Variants in DHX15 observed in about 807,000 individuals in gnomAD.
DHX15 encodes the protein DEAH-box helicase 15, also known as ATP-dependent RNA helicase DHX15.
Under a neutral mutation model 94.4 loss-of-function variants are expected in DHX15, and 11 were observed. The ratio of observed to expected loss-of-function variants is 0.12; its 90% CI spans 0.07 to 0.19. The LOEUF is 0.19. DHX15 is among the 10% of genes least tolerant of loss of function. The probability of loss-of-function intolerance (pLI) is 1.00; values close to 1 mark genes in which losing one functional copy is unlikely to be tolerated. For synonymous variants in DHX15, 338 were observed against 329.9 expected (o/e 1.02, Z -0.27); for missense variants, 304 against 988.5 (o/e 0.31, Z 9.29).
At chr4:24,574,143 T>C (rs1234470185) in intron 2 of DHX15, among the ~76,000 whole-genome samples, 2 of 136,970 alleles carry the variant, frequency 1.5e-5, no homozygotes, top group South Asian at 2.3e-4. Flanking sequence ...GAGGAGGAGG[T>C]TGCAGAAAGC....
intron 3 of DHX15, among the ~76,000 whole-genome samples, chr4:24,557,641 A>G (rs749065707): frequency 6.6e-6 from 1 of 152,200 alleles, no homozygotes; most frequent in East Asian, 1.9e-4. Context: ...ATTTTTAAAA[A>G]TAAACTACCA....
rs752876212 is a variant in DHX15, at chr4:24,540,280, T to C, written c.1614A>G (p.Arg538=). 1.7e-5 allele frequency: 27 copies of C among 1,611,906 alleles called. No individual in the cohort carries two copies. The highest frequency in any genetic ancestry group is 2.3e-5 in the Non-Finnish European group (27 of 1,178,948). The change falls in exon 10 of 14, where the codon AGA becomes AGG. Residue 538 remains arginine (R), a synonymous_variant. Transcript: ENST00000336812. ...CCAGGTAATTCAAAAGTTCCAGGGC[T>C]CTCATCAGAGTTTCAGGAGCTAGTG... ...MDPPAPETLM[R]ALELLNYLAA... is the part of the protein sequence containing the mutation.
intron 11 of DHX15, 45 bp from the exon 12 acceptor site, chr4:24,533,099 C>T (rs1221307566): frequency 9.4e-6 from 14 of 1,483,760 alleles, no homozygotes; most frequent in African/African-American, 2.8e-5. Context: ...CCATGAATCA[C>T]CCACACAGGA....
intron 3 of DHX15, among the ~76,000 whole-genome samples, chr4:24,568,698 T>C (rs746297438): frequency 6.6e-6 from 1 of 152,208 alleles, no homozygotes; most frequent in Non-Finnish European, 1.5e-5. Context: ...ACCAAAAAAA[T>C]TCAATGCAAT....
intron 1 of DHX15, among the ~76,000 whole-genome samples, chr4:24,577,960 A>T (rs943221544): frequency 6.6e-6 from 1 of 152,176 alleles, no homozygotes; most frequent in Admixed American, 6.5e-5. Context: ...CACAATACAC[A>T]AAAGTACAAA....
chr4:24,584,113 T>C, intron 1 of DHX15: 1 of 578,760 alleles, frequency 1.7e-6, no homozygotes, highest in Non-Finnish European at 3.0e-6. Flanking sequence ...CGGACTGGGC[T>C]GGGCAGCGGC....
intron 6 of DHX15, among the ~76,000 whole-genome samples, chr4:24,546,380 G>A (rs1721424351): frequency 6.6e-6 from 1 of 152,030 alleles, no homozygotes; most frequent in East Asian, 1.9e-4. Flanking sequence ...CAAAATTAAT[G>A]AACACTAAAT....
At chr4:24,558,068 T>C (rs1721778302) in intron 3 of DHX15, among the ~76,000 whole-genome samples, 1 of 152,138 alleles carries the variant, frequency 6.6e-6, no homozygotes, top group South Asian at 2.1e-4. Flanking sequence ...CCCAGCCTCT[T>C]GATACTCAGT....
rs139352849 is a variant in DHX15, at chr4:24,541,077, T to A, written c.1486-129A>T. On this transcript the variant is annotated intron_variant, in intron 8 of 13. Coordinates refer to ENST00000336812, the MANE Select transcript of DHX15 (RefSeq NM_001358.3). ...TACTTCTACACTGTCTCAGTAGAGATAAATACTTGTAGGCTAGACTAGAGA... is the reference window on the plus strand; with the variant it reads ...TACTTCTACACTGTCTCAGTAGAGAAAAATACTTGTAGGCTAGACTAGAGA... 1.6e-3 allele frequency: 834 copies of A among 537,632 alleles called. 22 individuals are homozygous for A. The East Asian group carries it at 0.018, about 12-fold the overall frequency. The allele number at this position is 537,632 out of a possible 1,614,324, so 33.3% of individuals were successfully genotyped here. A position where few individuals can be genotyped will look rare whatever the true frequency, so the allele number is the denominator to read the frequency against.
At chr4:24,528,913 C>CA (rs201161526) in intron 13 of DHX15, among the ~76,000 whole-genome samples, 5,597 of 147,862 alleles carry the variant, frequency 0.038, 305 homozygotes, top group African/African-American at 0.12. Context: ...CAAAACAAAA[C>CA]AAAAAAAAAC....
chr4:24,541,421 C>T (rs1721307442), intron 8 of DHX15, among the ~76,000 whole-genome samples: 1 of 151,944 alleles, frequency 6.6e-6, no homozygotes, highest in South Asian at 2.1e-4. Context: ...TAATAATGGC[C>T]CCAAAGCGCC....
Position 24,554,852 on chromosome 4 carries a change from G to C in DHX15, c.953C>G (p.Pro318Arg). The C allele has an allele frequency of 6.2e-7, 1 of 1,613,736 alleles. No homozygotes were observed. The highest frequency in any genetic ancestry group is 1.3e-5 in the African/African-American group (1 of 75,034). ...PLLTIPGRTH[P>R]VEIFYTPEPE... ...TTCTGGAGTATAGAAGATCTCAACA[G>C]GATGTGTACGCCCAGGAATAGTTAG... Residue 318 changes from proline to arginine, a missense_variant, in exon 5 of 14, where the codon CCT becomes CGT. Transcript: ENST00000336812.
At position 24,548,965 on chromosome 4, in the gene DHX15, C is replaced by T; in HGVS notation, c.1138G>A (p.Val380Ile). The T allele has an allele frequency of 6.2e-7, 1 of 1,613,932 alleles. No individual in the cohort carries two copies. The highest frequency in any genetic ancestry group is 8.5e-7 in the Non-Finnish European group (1 of 1,179,878). ...KREVDDLGPE[V>I]GDIKIIPLYS... ...AATGGAATGATTTTAATGTCACCAA[C>T]TTCAGGGCCCAAATCATCAACTTCA... Residue 380 changes from valine (V) to isoleucine (I), a missense_variant, in exon 6 of 14, where the codon GTT becomes ATT. Physicochemically the swap from Val to Ile is conservative, Grantham distance 29. Coordinates refer to ENST00000336812, the MANE Select transcript of DHX15 (RefSeq NM_001358.3).
rs1721320962 is a variant in DHX15, at chr4:24,541,870, T to C, written c.1485+3A>G. 1.3e-6 allele frequency: 2 copies of C among 1,581,144 alleles called. No homozygotes were observed. Among genetic ancestry groups the C allele is most frequent in the South Asian group, 2.3e-5 (2 of 87,700 alleles). On this transcript the variant is annotated splice_donor_region_variant and intron_variant, in intron 8 of 13. Coordinates refer to ENST00000336812, the MANE Select transcript of DHX15 (RefSeq NM_001358.3). Reference sequence around the variant, plus strand: ...ATCGGCAGGAAACGACAATACCCCATACCTGCATTTCTGTTTTATAAGCTT... The same window carrying C: ...ATCGGCAGGAAACGACAATACCCCACACCTGCATTTCTGTTTTATAAGCTT...
At chr4:24,547,726 G>C (rs1285912154) in intron 6 of DHX15, among the ~76,000 whole-genome samples, 2 of 151,354 alleles carry the variant, frequency 1.3e-5, no homozygotes, top group Admixed American at 6.6e-5. Context: ...CCAGGAGGGG[G>C]GACTGATTGA....
chr4:24,541,070 G>A (rs755348505), intron 8 of DHX15, 122 bp from the exon 9 acceptor site: 3 of 559,256 alleles, frequency 5.4e-6, no homozygotes, highest in Non-Finnish European at 9.6e-6. Flanking sequence ...CACTGTCTCA[G>A]TAGAGATAAA....
chr4:24,556,551 T>C lies in DHX15; in HGVS notation c.702-141A>G, dbSNP rs1327191985. On this transcript the variant is annotated intron_variant, in intron 3 of 13. Coordinates refer to ENST00000336812, the MANE Select transcript of DHX15 (RefSeq NM_001358.3). ...AAACAAATGTGCTACTGTTTCATGA[T>C]CAATTGCAAAATTAAGTTTCAAGAA... is the stretch of plus-strand genomic sequence containing the variant. 3 of 647,364 alleles carry C rather than the reference T, an allele frequency of 4.6e-6. No individual in the cohort carries two copies. The East Asian group carries it at 8.2e-5, about 18-fold the overall frequency. The allele number at this position is 647,364 out of a possible 1,614,324, so 40.1% of individuals were successfully genotyped here. A position where few individuals can be genotyped will look rare whatever the true frequency, so the allele number is the denominator to read the frequency against.
intron 1 of DHX15, among the ~76,000 whole-genome samples, chr4:24,578,349 G>C (rs571916763): frequency 1.5e-3 from 228 of 152,300 alleles, no homozygotes; most frequent in Admixed American, 3.2e-3. Context: ...TGCCAACGAG[G>C]TGTAGTTTAT....
intron 2 of DHX15, among the ~76,000 whole-genome samples, chr4:24,575,817 G>A (rs1487504735): frequency 1.3e-5 from 2 of 152,116 alleles, no homozygotes; most frequent in Admixed American, 1.3e-4. Flanking sequence ...GAGGGAGGAC[G>A]ACTAGATGGA....
Sources: gnomAD v4.1 joint callset for allele counts (sites outside exome capture counted in the v4.1 genomes callset) on GRCh38, gnomAD v4.1.1 for gene constraint, MANE v1.5 for transcripts, NCBI Gene and HGNC (gene_info 2026-07-23, HGNC 2026-07-21) for gene names.